The following ADGRA3 variants were observed in gnomAD, a reference collection of about 807,000 sequenced individuals.
ADGRA3 encodes the protein G-protein coupled receptor 125.
A neutral mutation model predicts 119.8 loss-of-function variants in ADGRA3; 56 were observed. The ratio of observed to expected loss-of-function variants is 0.47; its 90% CI spans 0.38 to 0.58. The LOEUF is 0.58. Ranked by LOEUF, ADGRA3 falls within the 20% of genes least tolerant of loss-of-function variation. ADGRA3 has a pLI of 0.00. For synonymous variants in ADGRA3, 607 were observed against 623.8 expected, an observed-to-expected ratio of 0.97 and a Z score of 0.40; for missense variants, 1,516 against 1,649.0, an observed-to-expected ratio of 0.92 and a Z score of 1.40.
chr4:22,463,099 G>A (rs940742785), intron 2 of ADGRA3, among the ~76,000 whole-genome samples: 8 of 152,130 alleles, frequency 5.3e-5, no homozygotes, highest in Non-Finnish European at 1.2e-4. Context: ...TCATCTCCCA[G>A]GGAAGCTGAA....
chr4:22,511,895 C>CTTCCTTTT (rs1719460337), intron 1 of ADGRA3, among the ~76,000 whole-genome samples: 1 of 102,614 alleles, frequency 9.7e-6, no homozygotes, highest in Non-Finnish European at 1.8e-5. Context: ...TTCTTTCTTT[C>CTTCCTTTT]TTTTTTTTTT....
intron 1 of ADGRA3, among the ~76,000 whole-genome samples, chr4:22,475,579 T>C (rs1718010548): frequency 6.6e-6 from 1 of 151,942 alleles, no homozygotes; most frequent in African/African-American, 2.4e-5. Context: ...TACAAAAAAT[T>C]AGCCGGGCGT....
intron 2 of ADGRA3, among the ~76,000 whole-genome samples, chr4:22,467,108 TCAC>T (rs1302493578): frequency 6.6e-6 from 1 of 152,154 alleles, no homozygotes; most frequent in Non-Finnish European, 1.5e-5. Context: ...TTCGAATAAT[TCAC>T]CAAACATATG....
chr4:22,493,975 C>T (rs1159329032), intron 1 of ADGRA3, among the ~76,000 whole-genome samples: 1 of 151,938 alleles, frequency 6.6e-6, no homozygotes, highest in Non-Finnish European at 1.5e-5. Context: ...GAGGCCGAGG[C>T]GGGTGGATCA....
At chr4:22,447,090 T>C (rs1461483861) in intron 5 of ADGRA3, among the ~76,000 whole-genome samples, 1 of 152,092 alleles carries the variant, frequency 6.6e-6, no homozygotes, top group Non-Finnish European at 1.5e-5. Context: ...AAAATATTCT[T>C]ACAAATTCTT....
chr4:22,434,773 A>T (rs745395463), intron 10 of ADGRA3, among the ~76,000 whole-genome samples: 1 of 152,184 alleles, frequency 6.6e-6, no homozygotes, highest in Non-Finnish European at 1.5e-5. Flanking sequence ...CATGGTTTCA[A>T]TGTGGTCCCG....
intron 16 of ADGRA3, among the ~76,000 whole-genome samples, chr4:22,395,112 T>C (rs1220666207): frequency 6.6e-6 from 1 of 152,192 alleles, no homozygotes; most frequent in Non-Finnish European, 1.5e-5. Context: ...TCATAAGGCA[T>C]GTAAATAATT....
chr4:22,484,696 G>A (rs1018614008), intron 1 of ADGRA3, among the ~76,000 whole-genome samples: 7 of 152,058 alleles, frequency 4.6e-5, no homozygotes, highest in African/African-American at 1.7e-4. Context: ...AGAAGGCTGG[G>A]GGTGACAGAG....
At chr4:22,490,662 C>T (rs1407600824) in intron 1 of ADGRA3, among the ~76,000 whole-genome samples, 2 of 152,072 alleles carry the variant, frequency 1.3e-5, no homozygotes, top group African/African-American at 4.8e-5. Context: ...TACAGAATTT[C>T]AATGTTGCTG....
At position 22,438,246 on chromosome 4, in the gene ADGRA3, C is replaced by T. The variant is rs764801806; in HGVS notation, c.1085+10G>A. 9 of 1,606,044 alleles carry T rather than the reference C, an allele frequency of 5.6e-6. No homozygotes were observed. The African/African-American group carries it at 1.1e-4, about 19-fold the overall frequency. The stretch of plus-strand genomic sequence containing the variant: ...ATTAAACTTTTCCCCGTATTTTCCA[C>T]AACACTGACCTGAAGTCACCTTTGT... On this transcript the variant is annotated intron_variant, in intron 8 of 18. Transcript: ENST00000334304.
chr4:22,415,396 T>C (rs1010117974), intron 12 of ADGRA3, among the ~76,000 whole-genome samples: 2 of 152,156 alleles, frequency 1.3e-5, no homozygotes, highest in Non-Finnish European at 2.9e-5. Flanking sequence ...AGAAAATATT[T>C]AGTAGAAATA....
intron 14 of ADGRA3, among the ~76,000 whole-genome samples, chr4:22,410,779 T>C (rs960565160): frequency 2.7e-4 from 41 of 152,164 alleles, no homozygotes; most frequent in African/African-American, 9.9e-4. Context: ...CTAACTCCCA[T>C]GCAGTAACTT....
intron 16 of ADGRA3, among the ~76,000 whole-genome samples, chr4:22,396,425 G>C (rs1419387473): frequency 2.0e-5 from 3 of 152,128 alleles, no homozygotes; most frequent in Non-Finnish European, 4.4e-5. Context: ...TGAGGGCTCA[G>C]GTTGTCAGAG....
In ADGRA3 at chr4:22,387,863, C is replaced by G. The variant is rs1713907428; in HGVS notation, c.3808G>C (p.Ala1270Pro). 6.2e-7 allele frequency: 1 copy of G among 1,614,036 alleles called. No homozygotes were observed. The highest frequency in any genetic ancestry group is 1.3e-5 in the African/African-American group (1 of 74,934). Reference sequence around the variant, plus strand: ...TGCTGATTTTCAAGTTCAACCACAGCTGGCTTCCTTAACGCATCTTTTTTA... The same window carrying G: ...TGCTGATTTTCAAGTTCAACCACAGGTGGCTTCCTTAACGCATCTTTTTTA... The part of the protein sequence containing the change: ...TSKKDALRKP[A>P]VVELENQQKS... The change falls in exon 19 of 19, where the codon GCT becomes CCT. Residue 1270 changes from alanine (A) to proline (P), a missense_variant. Transcript: ENST00000334304.
intron 12 of ADGRA3, chr4:22,414,177 TAAA>T (rs1439729386): frequency 1.9e-5 from 4 of 210,284 alleles, no homozygotes; most frequent in African/African-American, 6.9e-5. Context: ...TAAAATATGA[TAAA>T]GAAGCACAAA....
Position 22,515,680 on chromosome 4 carries a change from G to T in ADGRA3, c.105C>A (p.Gly35=). The T allele has an allele frequency of 9.2e-7, 1 of 1,090,254 alleles. No homozygotes were observed. Among genetic ancestry groups the T allele is most frequent in the Non-Finnish European group, 1.1e-6 (1 of 899,626 alleles). The allele number at this position is 1,090,254 out of a possible 1,614,324, so 67.5% of individuals were successfully genotyped here. ...LALLGGGGGG[G]AAALPAGCKH... is the part of the protein sequence containing the mutation. ...TGCAGCCGGCGGGCAGCGCCGCGGC[G>T]CCGCCGCCGCCGCCGCCTCCCAGCA... is the stretch of plus-strand genomic sequence containing the variant. Residue 35 remains glycine, a synonymous_variant, in exon 1 of 19, where the codon GGC becomes GGA. Coordinates refer to ENST00000334304, the MANE Select transcript of ADGRA3 (RefSeq NM_145290.4).
At chr4:22,506,644 G>A (rs1484335730) in intron 1 of ADGRA3, among the ~76,000 whole-genome samples, 2 of 152,020 alleles carry the variant, frequency 1.3e-5, no homozygotes, top group African/African-American at 4.8e-5. Context: ...ATACAGACAT[G>A]TGCCTTCTGG....
In ADGRA3 at chr4:22,443,007, A is replaced by G. The variant is rs993631667; in HGVS notation, c.707-144T>C. The G allele has an allele frequency of 4.6e-5, 32 of 700,482 alleles. No homozygotes were observed. The African/African-American group carries it at 4.7e-4, about 10-fold the overall frequency. The allele number at this position is 700,482 out of a possible 1,614,324, so 43.4% of individuals were successfully genotyped here. A position where few individuals can be genotyped will look rare whatever the true frequency, so the allele number is the denominator to read the frequency against. ...CAGCATGCTACTGCTAGTATCAACC[A>G]GGCTGCTACTGAGTTTAGTGATAAC... is the stretch of plus-strand genomic sequence containing the variant. On this transcript the variant is annotated intron_variant, in intron 6 of 18. Transcript: ENST00000334304.
At chr4:22,444,246 G>C (rs543262315) in intron 6 of ADGRA3, among the ~76,000 whole-genome samples, 5 of 151,962 alleles carry the variant, frequency 3.3e-5, no homozygotes, top group Non-Finnish European at 7.4e-5. Context: ...CATTTCCTAA[G>C]AATTAACTAT....
Sources: allele counts gnomAD v4.1 joint callset (sites outside exome capture counted in the v4.1 genomes callset), GRCh38; gene constraint gnomAD v4.1.1; transcripts MANE v1.5; gene names NCBI Gene and HGNC (gene_info 2026-07-23, HGNC 2026-07-21).